Variants in CADPS2 observed in about 807,000 individuals in gnomAD.
CADPS2 encodes the protein calcium-dependent secretion activator 2.
Under a neutral mutation model 172.5 loss-of-function variants are expected in CADPS2, and 93 were observed. The observed-to-expected ratio is 0.54, with a 90% CI of 0.46 to 0.64. The LOEUF (loss-of-function observed/expected upper bound fraction) is 0.64, where lower values mean the gene tolerates loss of function less well. CADPS2 is among the 30% of genes least tolerant of loss of function. The probability of loss-of-function intolerance (pLI) is 0.00; values close to 1 mark genes in which losing one functional copy is unlikely to be tolerated. For synonymous variants in CADPS2, 546 were observed against 555.2 expected (o/e 0.98, Z 0.23); for missense variants, 1,420 against 1,565.9 (o/e 0.91, Z 1.57).
intron 2 of CADPS2, among the ~76,000 whole-genome samples, chr7:122,726,010 T>G (rs1360249677): frequency 6.6e-6 from 1 of 151,924 alleles, no homozygotes; most frequent in East Asian, 1.9e-4. Flanking sequence ...TTGAATTTTT[T>G]TTTTCAAATA....
At chr7:122,837,494 G>GT (rs999210642) in intron 1 of CADPS2, among the ~76,000 whole-genome samples, 1 of 152,104 alleles carries the variant, frequency 6.6e-6, no homozygotes, top group Non-Finnish European at 1.5e-5. Context: ...CCAGGAACTG[G>GT]TTTTTTGAAG....
At chr7:122,427,355 T>C (rs1389223009) in intron 17 of CADPS2, 1 of 152,174 alleles carries the variant, frequency 6.6e-6, no homozygotes, top group Non-Finnish European at 1.5e-5. Flanking sequence ...TTAAAAATTT[T>C]GTTTTAACTC....
At chr7:122,604,918 AGT>A (rs1476753317) in intron 6 of CADPS2, among the ~76,000 whole-genome samples, 1 of 152,086 alleles carries the variant, frequency 6.6e-6, no homozygotes, top group African/African-American at 2.4e-5. Context: ...AACATCATAG[AGT>A]GTGAAAATCA....
At chr7:122,554,438 G>A in intron 8 of CADPS2, 112 bp downstream of exon 8, 1 of 1,077,942 alleles carries the variant, frequency 9.3e-7, no homozygotes, top group Non-Finnish European at 1.3e-6. Context: ...CACTTTTTGA[G>A]AAAACTCCAT....
chr7:122,456,239 T>C (rs1034799967), intron 14 of CADPS2, among the ~76,000 whole-genome samples: 2 of 152,034 alleles, frequency 1.3e-5, no homozygotes, highest in African/African-American at 4.8e-5. Context: ...TAATCCTGCT[T>C]TGACATTGAT....
intron 17 of CADPS2, among the ~76,000 whole-genome samples, chr7:122,420,255 AC>A (rs2048386559): frequency 6.6e-6 from 1 of 152,208 alleles, no homozygotes; most frequent in Non-Finnish European, 1.5e-5. Context: ...GAATCACAGA[AC>A]CAACCTCAGA....
At position 122,393,172 on chromosome 7, in the gene CADPS2, A is replaced by G. The variant is rs368904950; in HGVS notation, c.3008+24T>C. The G allele has an allele frequency of 1.9e-6, 3 of 1,611,036 alleles. No individual in the cohort carries two copies. In the African/African-American group the frequency reaches 4.0e-5, roughly 22 times the overall value. ...GCCATGCACCAGCTAACACACCACC[A>G]GGAAATAAGTGAGGAATACACACGT... On this transcript the variant is annotated intron_variant, in intron 22 of 29. Coordinates refer to ENST00000449022, the MANE Select transcript of CADPS2 (RefSeq NM_017954.11).
At chr7:122,752,637 T>C (rs1339349398) in intron 1 of CADPS2, among the ~76,000 whole-genome samples, 1 of 152,144 alleles carries the variant, frequency 6.6e-6, no homozygotes, top group African/African-American at 2.4e-5. Flanking sequence ...ACATTAGTCA[T>C]ACACCCTACC....
At chr7:122,441,350 T>A (rs2051324450) in intron 16 of CADPS2, among the ~76,000 whole-genome samples, 162 bp downstream of exon 16, 1 of 152,166 alleles carries the variant, frequency 6.6e-6, no homozygotes, top group Admixed American at 6.5e-5. Context: ...TGAAGTGCTG[T>A]AGACAGAGTC....
intron 1 of CADPS2, among the ~76,000 whole-genome samples, chr7:122,784,642 T>G (rs1203076281): frequency 6.6e-6 from 1 of 152,234 alleles, no homozygotes; most frequent in African/African-American, 2.4e-5. Flanking sequence ...TGCCCCATCT[T>G]CCTAACTTGC....
At chr7:122,834,161 A>C (rs1807501271) in intron 1 of CADPS2, among the ~76,000 whole-genome samples, 1 of 152,246 alleles carries the variant, frequency 6.6e-6, no homozygotes, top group Non-Finnish European at 1.5e-5. Context: ...ATGACAGCTA[A>C]CATGATGGTA....
At chr7:122,415,089 C>T (rs1012172135) in intron 18 of CADPS2, among the ~76,000 whole-genome samples, 1 of 152,070 alleles carries the variant, frequency 6.6e-6, no homozygotes, top group African/African-American at 2.4e-5. Context: ...TGGTGAAAAG[C>T]CACTCTAGAT....
chr7:122,388,633 C>T lies in CADPS2; in HGVS notation c.3114G>A (p.Glu1038=). 6.2e-7 allele frequency: 1 copy of T among 1,610,270 alleles called. No individual in the cohort carries two copies. The highest frequency in any genetic ancestry group is 8.5e-7 in the Non-Finnish European group (1 of 1,177,744). The change falls in exon 23 of 30, where the codon GAG becomes GAA. Residue 1038 remains glutamate, a synonymous_variant. Transcript: ENST00000449022. ...WPEQEFAHHL[E]QRLKLMASDM... The stretch of plus-strand genomic sequence containing the variant: ...CACTGGCCATTAGTTTAAGTCTTTG[C>T]TCTAAGTGGTGGGCAAATTCCTGTT...
At chr7:122,546,224 C>T (rs1402394081) in intron 8 of CADPS2, among the ~76,000 whole-genome samples, 1 of 152,066 alleles carries the variant, frequency 6.6e-6, no homozygotes. Context: ...TATAATCTTC[C>T]CCAGTATTGT....
At chr7:122,523,133 C>T (rs565730273) in intron 8 of CADPS2, among the ~76,000 whole-genome samples, 1 of 152,094 alleles carries the variant, frequency 6.6e-6, no homozygotes, top group Admixed American at 6.5e-5. Context: ...TTTTAGTTTT[C>T]TGAGAAACTT....
chr7:122,463,528 A>T (rs1384161191), intron 14 of CADPS2, among the ~76,000 whole-genome samples: 1 of 152,206 alleles, frequency 6.6e-6, no homozygotes, highest in Non-Finnish European at 1.5e-5. Flanking sequence ...ATTTTAATTA[A>T]ATAGTACATA....
At chr7:122,333,193 G>C (rs995444401) in intron 28 of CADPS2, among the ~76,000 whole-genome samples, 2 of 152,140 alleles carry the variant, frequency 1.3e-5, no homozygotes, top group Non-Finnish European at 2.9e-5. Flanking sequence ...TTTGAACATA[G>C]TATATAAAAT....
intron 1 of CADPS2, among the ~76,000 whole-genome samples, chr7:122,812,567 A>G (rs1800287373): frequency 6.6e-6 from 1 of 152,036 alleles, no homozygotes; most frequent in African/African-American, 2.4e-5. Context: ...CTTGAATTTT[A>G]TTTTCAAAAA....
chr7:122,477,869 G>C (rs996945526), intron 12 of CADPS2, among the ~76,000 whole-genome samples: 1 of 152,080 alleles, frequency 6.6e-6, no homozygotes, highest in Non-Finnish European at 1.5e-5. Flanking sequence ...TTGTACATTA[G>C]ATCTCTAGAC....
Sources: gnomAD v4.1 joint callset for allele counts (sites outside exome capture counted in the v4.1 genomes callset) on GRCh38, gnomAD v4.1.1 for gene constraint, MANE v1.5 for transcripts, NCBI Gene and HGNC (gene_info 2026-07-23, HGNC 2026-07-21) for gene names.